Variants in CBFA2T2 observed in about 807,000 individuals in gnomAD.
CBFA2T2 encodes the protein protein CBFA2T2.
In CBFA2T2, 11 loss-of-function variants were observed where a neutral mutation model predicts 62.2. The observed-to-expected ratio is 0.18, with a 90% CI of 0.11 to 0.29. The LOEUF is 0.29. Ranked by LOEUF, CBFA2T2 falls within the 10% of genes least tolerant of loss-of-function variation. CBFA2T2 has a pLI of 1.00. For synonymous variants in CBFA2T2, 295 were observed against 287.5 expected, an observed-to-expected ratio of 1.03 and a Z score of -0.27; for missense variants, 592 against 774.1, an observed-to-expected ratio of 0.76 and a Z score of 2.79.
intron 1 of CBFA2T2, among the ~76,000 whole-genome samples, chr20:33,556,327 G>A (rs1002200732): frequency 3.3e-5 from 5 of 151,962 alleles, no homozygotes; most frequent in African/African-American, 1.2e-4. Flanking sequence ...TTAATGTTAC[G>A]AATTTCAGGC....
intron 1 of CBFA2T2, among the ~76,000 whole-genome samples, chr20:33,574,814 T>C (rs1216779000): frequency 6.6e-6 from 1 of 152,134 alleles, no homozygotes; most frequent in African/African-American, 2.4e-5. Context: ...GTAGGTGGAA[T>C]GGAGAAGGGC....
intron 4 of CBFA2T2, among the ~76,000 whole-genome samples, chr20:33,620,044 A>G (rs2015883077): frequency 6.6e-6 from 1 of 152,204 alleles, no homozygotes; most frequent in Admixed American, 6.5e-5. Context: ...GTAGGAAGAC[A>G]GTGTTTGTGT....
At position 33,494,263 on chromosome 20, in the gene CBFA2T2, ATATATATATATTTTTTT is replaced by A. The variant is rs1465668561; in HGVS notation, c.34+3964_34+3980del. ...TATGTGTATATATATATATATATAT[ATATATATATATTTTTTT>A]TTTTTTTTTTTTTTTTTTTGAGACA... On this transcript the variant is annotated intron_variant, in intron 1 of 10. Transcript: ENST00000342704. 8.7e-5 allele frequency among the ~76,000 whole-genome samples: 6 copies of A among 69,218 alleles called. No individual in the cohort carries two copies. The Admixed American group carries it at 1.1e-3, about 13-fold the overall frequency. The allele number at this position is 69,218 out of a possible 152,430, so 45.4% of individuals were successfully genotyped here. A position where few individuals can be genotyped will look rare whatever the true frequency, so the allele number is the denominator to read the frequency against.
Position 33,640,540 on chromosome 20 carries a change from T to A in CBFA2T2, c.1488+9T>A. 1 of 1,613,474 alleles carries A rather than the reference T, an allele frequency of 6.2e-7. No individual in the cohort carries two copies. Among genetic ancestry groups the A allele is most frequent in the Non-Finnish European group, 8.5e-7 (1 of 1,179,642 alleles). On this transcript the variant is annotated intron_variant, in intron 10 of 10. Coordinates refer to ENST00000342704, the MANE Select transcript of CBFA2T2 (RefSeq NM_001032999.3). ...AAGAGGAGTCCACGGAGGTCAGAGCTCTGCGCCCTGGGGGCTGGGGTGAGC... is the reference window on the plus strand; with the variant it reads ...AAGAGGAGTCCACGGAGGTCAGAGCACTGCGCCCTGGGGGCTGGGGTGAGC...
rs202124180 is a variant in CBFA2T2 at position 33,636,727 on chromosome 20, G to A, written c.1297+19G>A. 297 of 1,577,024 alleles carry A rather than the reference G, an allele frequency of 1.9e-4. No homozygotes were observed. Among genetic ancestry groups the A allele is most frequent in the Non-Finnish European group, 2.5e-4 (282 of 1,146,818 alleles). Reference sequence around the variant, plus strand: ...AAAACAGGTATGTGTCTGACTGCTTGTAGGTCATACATACTCACTAATTTG... The same window carrying A: ...AAAACAGGTATGTGTCTGACTGCTTATAGGTCATACATACTCACTAATTTG... On this transcript the variant is annotated intron_variant, in intron 9 of 10. Transcript: ENST00000342704.
intron 1 of CBFA2T2, among the ~76,000 whole-genome samples, chr20:33,570,485 G>A (rs2013514380): frequency 1.3e-5 from 2 of 152,168 alleles, no homozygotes; most frequent in South Asian, 4.1e-4. Context: ...AAATTGAAAG[G>A]TAGGGAAGTC....
rs116259091 is a variant in CBFA2T2, at chr20:33,571,769, G to C, written c.35-35187G>C. ...AGTACACTCTTTTTGCTGATCTGAA[G>C]ATATCTTTATTTCACCTTTACTTGA... On this transcript the variant is annotated intron_variant, in intron 1 of 10. Coordinates refer to ENST00000342704, the MANE Select transcript of CBFA2T2 (RefSeq NM_001032999.3). Among the ~76,000 whole-genome samples, 813 of 152,316 alleles carry C rather than the reference G, an allele frequency of 5.3e-3. 6 individuals are homozygous for C. The highest frequency in any genetic ancestry group is 0.018 in the African/African-American group (769 of 41,568).
At chr20:33,550,915 G>A (rs1017451783) in intron 1 of CBFA2T2, among the ~76,000 whole-genome samples, 1 of 151,886 alleles carries the variant, frequency 6.6e-6, no homozygotes, top group African/African-American at 2.4e-5. Flanking sequence ...GAGCCACCAC[G>A]CTTGGCCTTG....
chr20:33,565,743 A>G (rs753928732), intron 1 of CBFA2T2, among the ~76,000 whole-genome samples: 1 of 152,182 alleles, frequency 6.6e-6, no homozygotes, highest in Non-Finnish European at 1.5e-5. Flanking sequence ...GAATCTTACT[A>G]CTAGGAGGAA....
At chr20:33,536,126 C>G (rs557075269) in intron 1 of CBFA2T2, among the ~76,000 whole-genome samples, 4 of 152,384 alleles carry the variant, frequency 2.6e-5, no homozygotes, top group South Asian at 4.1e-4. Context: ...ACCTTTCCCC[C>G]CTTTCTATTC....
At chr20:33,635,102 A>C (rs1034376545) in intron 8 of CBFA2T2, among the ~76,000 whole-genome samples, 9 of 152,248 alleles carry the variant, frequency 5.9e-5, no homozygotes, top group Non-Finnish European at 1.3e-4. Context: ...CCTGCAAGAC[A>C]GTTCCAGGTT....
At chr20:33,580,282 G>A (rs373404222) in intron 1 of CBFA2T2, among the ~76,000 whole-genome samples, 13 of 152,012 alleles carry the variant, frequency 8.6e-5, no homozygotes, top group Non-Finnish European at 1.3e-4. Flanking sequence ...TCTGTGTAAC[G>A]CAGTAAGAAA....
At chr20:33,601,906 G>A (rs1033983068) in intron 1 of CBFA2T2, 3 of 152,072 alleles carry the variant, frequency 2.0e-5, no homozygotes, top group African/African-American at 7.3e-5. Context: ...CTGGACTCAG[G>A]TGATCCTCCC....
At chr20:33,552,238 C>T (rs1271149405) in intron 1 of CBFA2T2, among the ~76,000 whole-genome samples, 1 of 152,124 alleles carries the variant, frequency 6.6e-6, no homozygotes, top group Non-Finnish European at 1.5e-5. Context: ...TTGTGGAGAG[C>T]ATTTTCAGGT....
At chr20:33,502,496 T>A (rs2011307232) in intron 1 of CBFA2T2, among the ~76,000 whole-genome samples, 1 of 151,774 alleles carries the variant, frequency 6.6e-6, no homozygotes, top group African/African-American at 2.4e-5. Flanking sequence ...AAGCTCCGCC[T>A]CCCGGGTTCA....
intron 1 of CBFA2T2, among the ~76,000 whole-genome samples, chr20:33,591,483 A>G (rs1233393030): frequency 6.7e-6 from 1 of 148,386 alleles, no homozygotes; most frequent in Non-Finnish European, 1.5e-5. Context: ...AAAAAAAAAA[A>G]AAGAAAAAAA....
At chr20:33,573,513 G>A (rs1315142256) in intron 1 of CBFA2T2, among the ~76,000 whole-genome samples, 5 of 150,350 alleles carry the variant, frequency 3.3e-5, no homozygotes, top group Admixed American at 1.3e-4. Context: ...ATGGAGTCTC[G>A]CTCTATCGCC....
chr20:33,558,825 G>A (rs981509110), intron 1 of CBFA2T2, among the ~76,000 whole-genome samples: 16 of 151,214 alleles, frequency 1.1e-4, no homozygotes, highest in Admixed American at 3.9e-4. Context: ...CAACTGTTTG[G>A]GGGGGCGGCG....
rs577983088 is a variant in CBFA2T2, at chr20:33,649,625, G to A, written c.*4979G>A. 1.4e-4 allele frequency: 22 copies of A among 152,306 alleles called. No homozygotes were observed. The South Asian group carries it at 4.6e-3, about 32-fold the overall frequency. 9.4% of individuals were successfully genotyped at this position (152,306 alleles called of 1,614,324 possible). A position where few individuals can be genotyped will look rare whatever the true frequency, so the allele number is the denominator to read the frequency against. ...GGGCATGTGCGCTGGTGTCTGTTGG[G>A]GACAGCCCCATCCCTACCTTGGAGT... On this transcript the variant is annotated 3_prime_UTR_variant, in exon 11 of 11. Coordinates refer to ENST00000342704, the MANE Select transcript of CBFA2T2 (RefSeq NM_001032999.3).
Sources: gnomAD v4.1 joint callset for allele counts (sites outside exome capture counted in the v4.1 genomes callset) on GRCh38, gnomAD v4.1.1 for gene constraint, MANE v1.5 for transcripts, NCBI Gene and HGNC (gene_info 2026-07-23, HGNC 2026-07-21) for gene names.